Variants in VPS35L observed in about 807,000 individuals in gnomAD.
The protein encoded by VPS35L is VPS35 endosomal protein-sorting factor-like.
VPS35L carries 83 observed loss-of-function variants against 133.0 expected under a neutral mutation model. The observed-to-expected ratio is 0.62, with a 90% confidence interval of 0.52 to 0.75. The LOEUF (loss-of-function observed/expected upper bound fraction) is 0.75, where lower values mean the gene tolerates loss of function less well. VPS35L is among the 30% of genes least tolerant of loss of function. The pLI, the probability that VPS35L is intolerant of heterozygous loss-of-function variation, is 0.00. For missense variants in VPS35L, 1,083 were observed against 1,206.8 expected, an observed-to-expected ratio of 0.90 and a Z score of 1.52; for synonymous variants, 423 against 449.9, an observed-to-expected ratio of 0.94 and a Z score of 0.76.
At chr16:19,565,644 C>T (rs936162971) in intron 2 of VPS35L, among the ~76,000 whole-genome samples, 13 of 152,212 alleles carry the variant, frequency 8.5e-5, no homozygotes, top group African/African-American at 2.7e-4. Flanking sequence ...TGAGCCACCT[C>T]GCCCGGCCTG....
rs1169897264 is a variant in VPS35L, at chr16:19,596,009, TG to T, written c.724+4137del. On this transcript the variant is annotated intron_variant, in intron 8 of 30. Coordinates refer to ENST00000417362, the MANE Select transcript of VPS35L (RefSeq NM_020314.7). ...AAATACAAAAATTAGCCGGGCATGG[TG>T]GTGGGCACCTGTAGTCCCAGCTACT... 7.2e-5 allele frequency among the ~76,000 whole-genome samples: 11 copies of T among 152,018 alleles called. No homozygotes were observed. In the South Asian group the frequency reaches 2.3e-3, roughly 32 times the overall value.
intron 26 of VPS35L, among the ~76,000 whole-genome samples, chr16:19,656,412 G>T (rs1202703839): frequency 6.7e-6 from 1 of 150,360 alleles, no homozygotes; most frequent in Non-Finnish European, 1.5e-5. Context: ...TGAGTAAATG[G>T]CCTGAGCAAA....
At chr16:19,623,379 G>C (rs529449999) in intron 14 of VPS35L, among the ~76,000 whole-genome samples, 1 of 152,106 alleles carries the variant, frequency 6.6e-6, no homozygotes, top group African/African-American at 2.4e-5. Context: ...CTGTGTACAC[G>C]CATCCTTGCT....
intron 12 of VPS35L, among the ~76,000 whole-genome samples, chr16:19,612,527 T>C (rs1972757605): frequency 6.6e-6 from 1 of 152,228 alleles, no homozygotes; most frequent in Non-Finnish European, 1.5e-5. Flanking sequence ...TTGCTGGGAT[T>C]ACAGGTGTGA....
chr16:19,674,487 C>T (rs1974993773), intron 27 of VPS35L, among the ~76,000 whole-genome samples: 1 of 152,080 alleles, frequency 6.6e-6, no homozygotes, highest in African/African-American at 2.4e-5. Context: ...GGATTACAGA[C>T]ATGAGCCTCT....
chr16:19,691,306 T>G (rs1443812820), intron 28 of VPS35L, 47 bp from the exon 29 acceptor site: 1 of 1,510,924 alleles, frequency 6.6e-7, no homozygotes, highest in Admixed American at 1.7e-5. Context: ...CTGGCCAGCA[T>G]GGCCGCGGGG....
At chr16:19,577,903 G>A (rs1248292499) in intron 5 of VPS35L, among the ~76,000 whole-genome samples, 1 of 152,216 alleles carries the variant, frequency 6.6e-6, no homozygotes, top group Non-Finnish European at 1.5e-5. Context: ...GGACTTCCCA[G>A]CCTTTAGGAC....
At chr16:19,595,074 G>A (rs59607507) in intron 8 of VPS35L, among the ~76,000 whole-genome samples, 1,573 of 152,266 alleles carry the variant, frequency 0.01, 30 homozygotes, top group African/African-American at 0.036. Context: ...AGATGAGCCC[G>A]GGAGAGGGGC....
chr16:19,619,250 A>G (rs1161051299), intron 14 of VPS35L, among the ~76,000 whole-genome samples: 2 of 151,970 alleles, frequency 1.3e-5, no homozygotes, highest in Admixed American at 6.6e-5. Flanking sequence ...TCTGTTTTCT[A>G]ACTTTTCAAC....
intron 29 of VPS35L, among the ~76,000 whole-genome samples, chr16:19,695,597 T>G (rs1301316703): frequency 1.3e-5 from 2 of 151,990 alleles, no homozygotes; most frequent in Non-Finnish European, 2.9e-5. Flanking sequence ...GAGGATTGCT[T>G]TATTCCAGGA....
At chr16:19,573,806 C>T (rs1971454537) in intron 4 of VPS35L, among the ~76,000 whole-genome samples, 1 of 151,872 alleles carries the variant, frequency 6.6e-6, no homozygotes, top group African/African-American at 2.4e-5. Flanking sequence ...GAGTGAGACC[C>T]TATCTCAAAA....
rs1228450183 is a variant in VPS35L at position 19,591,883 on chromosome 16, C to T, written c.724+9C>T. ...CATACTTGATACATTTGGTAAGTAC[C>T]TGTCATATGCATCTTAGATCTAGGA... On this transcript the variant is annotated intron_variant, in intron 8 of 30. Transcript: ENST00000417362. 1 of 1,568,488 alleles carries T rather than the reference C, an allele frequency of 6.4e-7. No individual in the cohort carries two copies. Among genetic ancestry groups the T allele is most frequent in the Admixed American group, 1.7e-5 (1 of 59,820 alleles).
intron 2 of VPS35L, among the ~76,000 whole-genome samples, chr16:19,567,678 A>T (rs1306937612): frequency 6.6e-6 from 1 of 152,016 alleles, no homozygotes; most frequent in African/African-American, 2.4e-5. Context: ...GTCCTCAGTG[A>T]GACAGCCCTG....
intron 27 of VPS35L, among the ~76,000 whole-genome samples, chr16:19,674,193 T>C (rs948959568): frequency 3.7e-5 from 5 of 133,740 alleles, no homozygotes; most frequent in Non-Finnish European, 7.9e-5. Flanking sequence ...TCTTTTTTTT[T>C]TTTTTTTTTT....
intron 10 of VPS35L, 65 bp from the exon 11 acceptor site, chr16:19,608,909 T>C (rs1972620531): frequency 2.1e-6 from 3 of 1,435,498 alleles, no homozygotes; most frequent in Non-Finnish European, 2.9e-6. Context: ...ATGGATAGTT[T>C]AGTCTTTTCT....
rs1301659369 is a variant in VPS35L at position 19,564,887 on chromosome 16, A to T, written c.54A>T (p.Ala18=). The T allele has an allele frequency of 6.2e-7, 1 of 1,613,504 alleles. No individual in the cohort carries two copies. Among genetic ancestry groups the T allele is most frequent in the Admixed American group, 1.7e-5 (1 of 59,990 alleles). Residue 18 remains alanine, a synonymous_variant, in exon 2 of 31, where the codon GCA becomes GCT. Transcript: ENST00000417362. ...SRNRNYKAEF[A]SCRLEAVPLE... ...ATAGGAACTACAAAGCTGAATTTGCATCATGCCGACTGGAGGCTGTACCAT... is the reference window on the plus strand; with the variant it reads ...ATAGGAACTACAAAGCTGAATTTGCTTCATGCCGACTGGAGGCTGTACCAT...
At chr16:19,652,197 GAC>G (rs1974153423) in intron 26 of VPS35L, 107 bp downstream of exon 26, 1 of 833,536 alleles carries the variant, frequency 1.2e-6, no homozygotes, top group African/African-American at 1.7e-5. Flanking sequence ...TTTTTTTAGA[GAC>G]AGAGTCTCAC....
At chr16:19,665,147 TCCC>T (rs1469166779) in intron 26 of VPS35L, among the ~76,000 whole-genome samples, 1 of 152,206 alleles carries the variant, frequency 6.6e-6, no homozygotes, top group Non-Finnish European at 1.5e-5. Flanking sequence ...GGTGTATCCA[TCCC>T]CTCAAGCATT....
At chr16:19,627,585 C>A in intron 15 of VPS35L, 109 bp from the exon 16 acceptor site, 1 of 856,744 alleles carries the variant, frequency 1.2e-6, no homozygotes, top group Non-Finnish European at 1.9e-6. Context: ...TTTCCCCAAC[C>A]CTACCGCTAA....
Sources: allele counts gnomAD v4.1 joint callset (sites outside exome capture counted in the v4.1 genomes callset), GRCh38; gene constraint gnomAD v4.1.1; transcripts MANE v1.5; gene names NCBI Gene and HGNC (gene_info 2026-07-23, HGNC 2026-07-21).